LPCAT1: variants seen among roughly 807,000 people sequenced by gnomAD.
LPCAT1 encodes 1-acylglycerol-3-phosphate O-acyltransferase.
LPCAT1 carries 23 observed loss-of-function variants against 60.9 expected under a neutral mutation model. The observed-to-expected ratio is 0.38, with a 90% CI of 0.27 to 0.53. The LOEUF (loss-of-function observed/expected upper bound fraction) is 0.53, where lower values mean the gene tolerates loss of function less well. LPCAT1 is among the 20% of genes least tolerant of loss of function. The pLI is 0.82. For synonymous variants in LPCAT1, 340 were observed against 301.1 expected, an observed-to-expected ratio of 1.13 and a Z score of -1.34; for missense variants, 622 against 723.6, an observed-to-expected ratio of 0.86 and a Z score of 1.61.
chr5:1,508,459 G>A (rs1736252827), intron 1 of LPCAT1, among the ~76,000 whole-genome samples: 1 of 152,118 alleles, frequency 6.6e-6, no homozygotes, highest in African/African-American at 2.4e-5. Context: ...TATAAGAAGA[G>A]GAGATGAGGA....
intron 1 of LPCAT1, among the ~76,000 whole-genome samples, chr5:1,518,812 C>G (rs1277264498): frequency 2.0e-5 from 3 of 152,228 alleles, no homozygotes; most frequent in Non-Finnish European, 4.4e-5. Context: ...CAGCATCATT[C>G]TGAAATGCGT....
In LPCAT1 at chr5:1,476,480, ACT is replaced by A. The variant is rs919936123; in HGVS notation, c.899+922_899+923del. Reference sequence around the variant, plus strand: ...TGGCTCGGAGGTCAGAGCCAGGCACACTCTGATGGGCCCGGCCGTGGCTGTGT... The same window carrying A: ...TGGCTCGGAGGTCAGAGCCAGGCACACTGATGGGCCCGGCCGTGGCTGTGT... On this transcript the variant is annotated intron_variant, in intron 9 of 13. Transcript: ENST00000283415. This position sits in a 1 kb window ranked among gnomAD's most constrained non-coding sequence, Gnocchi z 8.6. 6.6e-6 allele frequency among the ~76,000 whole-genome samples: 1 copy of A among 151,832 alleles called. No homozygotes were observed. The highest frequency in any genetic ancestry group is 2.4e-5 in the African/African-American group (1 of 41,280).
Position 1,488,566 on chromosome 5 carries a change from C to T in LPCAT1, c.607-115G>A, listed in dbSNP as rs151144588. The T allele has an allele frequency of 7.2e-5, 49 of 685,120 alleles. No individual in the cohort carries two copies. The African/African-American group carries it at 7.5e-4, about 11-fold the overall frequency. 42.4% of individuals were successfully genotyped at this position (685,120 alleles called of 1,614,324 possible). ...CTTTTCTGCTGACATAATTTGGACA[C>T]TGGGATCATATTCAGTACGTAAATT... On this transcript the variant is annotated intron_variant, in intron 4 of 13. Transcript: ENST00000283415.
At chr5:1,466,664 C>T (rs1734418644) in intron 13 of LPCAT1, 85 bp downstream of exon 13, 2 of 1,434,482 alleles carry the variant, frequency 1.4e-6, no homozygotes, top group East Asian at 5.2e-5. Context: ...CCACTCCTGT[C>T]CTGGGCTCCC....
chr5:1,497,138 A>G (rs781402838), intron 2 of LPCAT1, among the ~76,000 whole-genome samples: 14 of 152,242 alleles, frequency 9.2e-5, no homozygotes, highest in Non-Finnish European at 1.3e-4. Flanking sequence ...GCTCGCCAAG[A>G]GAGTCTGGAA....
intron 1 of LPCAT1, among the ~76,000 whole-genome samples, chr5:1,504,170 A>C (rs1394728229): frequency 1.3e-5 from 2 of 152,242 alleles, no homozygotes; most frequent in African/African-American, 4.8e-5. Flanking sequence ...TTTAGAACAC[A>C]GCTCCCCCTA....
chr5:1,497,579 G>T (rs530524305), intron 2 of LPCAT1, among the ~76,000 whole-genome samples: 3 of 152,252 alleles, frequency 2.0e-5, no homozygotes, highest in African/African-American at 7.2e-5. Context: ...GGTGATCCAC[G>T]TGGACTGGCT....
chr5:1,471,720 G>GGCTCCCA (rs1273756601), intron 11 of LPCAT1, among the ~76,000 whole-genome samples: 1 of 151,742 alleles, frequency 6.6e-6, no homozygotes, highest in Non-Finnish European at 1.5e-5. Flanking sequence ...GTAGAGGGAG[G>GGCTCCCA]GCTCCCAGGT....
Position 1,463,493 on chromosome 5 carries a change from G to T in LPCAT1, c.*158C>A. ...CGGTTCTGCAACACACTTCACAAAG[G>T]AACAAGATACAAACAGCCCCCGAGG... On this transcript the variant is annotated 3_prime_UTR_variant, in exon 14 of 14. Transcript: ENST00000283415. 1 of 740,038 alleles carries T rather than the reference G, an allele frequency of 1.4e-6. No homozygotes were observed. The highest frequency in any genetic ancestry group is 2.2e-6 in the Non-Finnish European group (1 of 462,620). The allele number at this position is 740,038 out of a possible 1,614,324, so 45.8% of individuals were successfully genotyped here. A position where few individuals can be genotyped will look rare whatever the true frequency, so the allele number is the denominator to read the frequency against.
chr5:1,472,868 G>A (rs1304428825), intron 11 of LPCAT1, among the ~76,000 whole-genome samples: 2 of 152,106 alleles, frequency 1.3e-5, no homozygotes, highest in African/African-American at 2.4e-5. Context: ...CAGAGGGCCC[G>A]TGGCTGGGGG....
Position 1,481,523 on chromosome 5 carries a change from G to A in LPCAT1, c.727-547C>T, listed in dbSNP as rs573585814. Among the ~76,000 whole-genome samples the A allele has an allele frequency of 2.6e-5, 4 of 152,394 alleles. No individual in the cohort carries two copies. The highest frequency in any genetic ancestry group is 9.6e-5 in the African/African-American group (4 of 41,592). ...CCGCCGGGCAGGGACCACACAGCAG[G>A]GGCCGTGACGGCAGAGGCCCAGACA... On this transcript the variant is annotated intron_variant, in intron 6 of 13. Coordinates refer to ENST00000283415, the MANE Select transcript of LPCAT1 (RefSeq NM_024830.5). The surrounding 1 kb of genome is among the most constrained non-coding windows in gnomAD (Gnocchi z 7.8).
In LPCAT1 at chr5:1,521,270, C is replaced by T. The variant is rs971036578; in HGVS notation, c.135+2440G>A. 1.1e-5 allele frequency: 10 copies of T among 936,154 alleles called. No individual in the cohort carries two copies. Among genetic ancestry groups the T allele is most frequent in the Non-Finnish European group, 1.3e-5 (10 of 785,180 alleles). The allele number at this position is 936,154 out of a possible 1,614,324, so 58.0% of individuals were successfully genotyped here. ...GGGCTGGCTGGAGGAGGAGGTGTCC[C>T]CGCATGGCGCTAATCCGAAGACACA... On this transcript the variant is annotated intron_variant, in intron 1 of 13. Transcript: ENST00000283415. This position sits in a 1 kb window ranked among gnomAD's most constrained non-coding sequence, Gnocchi z 4.3.
At chr5:1,465,316 A>G (rs1734324744) in intron 13 of LPCAT1, among the ~76,000 whole-genome samples, 1 of 145,628 alleles carries the variant, frequency 6.9e-6, no homozygotes, top group Non-Finnish European at 1.5e-5. Flanking sequence ...GCGCACACAC[A>G]AAACAAGCGC....
Position 1,494,918 on chromosome 5 carries a change from CAA to C in LPCAT1, c.279-6_279-5del, listed in dbSNP as rs764498776. ...CTTCAGCAGGAAGTCCACAACCCTG[CAA>C]AAGAGGGCGCTGCGTCACGCGGGCA... On this transcript the variant is annotated splice_polypyrimidine_tract_variant and splice_region_variant and intron_variant, in intron 2 of 13. Transcript: ENST00000283415. The C allele has an allele frequency of 1.9e-6, 3 of 1,596,890 alleles. No homozygotes were observed. Among genetic ancestry groups the C allele is most frequent in the Non-Finnish European group, 2.6e-6 (3 of 1,170,674 alleles).
chr5:1,502,617 G>A lies in LPCAT1; in HGVS notation c.136-1014C>T, dbSNP rs935345235. 7.9e-5 allele frequency among the ~76,000 whole-genome samples: 12 copies of A among 152,200 alleles called. No individual in the cohort carries two copies. Among genetic ancestry groups the A allele is most frequent in the African/African-American group, 2.2e-4 (9 of 41,442 alleles). On this transcript the variant is annotated intron_variant, in intron 1 of 13. Coordinates refer to ENST00000283415, the MANE Select transcript of LPCAT1 (RefSeq NM_024830.5). The surrounding 1 kb of genome is among the most constrained non-coding windows in gnomAD (Gnocchi z 5.5). ...AGGGTCTGAGGATGGAGGTCCCTCCGGGAGGCGGGCAGGACTCCGTGTAGA... is the reference window on the plus strand; with the variant it reads ...AGGGTCTGAGGATGGAGGTCCCTCCAGGAGGCGGGCAGGACTCCGTGTAGA...
Position 1,481,126 on chromosome 5 carries a change from TC to T in LPCAT1, c.727-151del. The T allele has an allele frequency of 2.1e-6, 2 of 962,504 alleles. No homozygotes were observed. Among genetic ancestry groups the T allele is most frequent in the Non-Finnish European group, 3.2e-6 (2 of 621,270 alleles). 59.6% of individuals were successfully genotyped at this position (962,504 alleles called of 1,614,324 possible). A position where few individuals can be genotyped will look rare whatever the true frequency, so the allele number is the denominator to read the frequency against. On this transcript the variant is annotated intron_variant, in intron 6 of 13. Coordinates refer to ENST00000283415, the MANE Select transcript of LPCAT1 (RefSeq NM_024830.5). This position sits in a 1 kb window ranked among gnomAD's most constrained non-coding sequence, Gnocchi z 7.8. ...GGAGGAGGGTGCTAGAGCTCCAGCT[TC>T]CCAGAGTCCCTGAGGATCCAGGACT...
chr5:1,518,289 A>G (rs934438595), intron 1 of LPCAT1, among the ~76,000 whole-genome samples: 2 of 152,210 alleles, frequency 1.3e-5, no homozygotes, highest in African/African-American at 2.4e-5. Flanking sequence ...TATAAGACAG[A>G]GCTGATGTCT....
At chr5:1,505,002 G>A (rs571183031) in intron 1 of LPCAT1, among the ~76,000 whole-genome samples, 59 of 150,746 alleles carry the variant, frequency 3.9e-4, no homozygotes, top group East Asian at 1.7e-3. Flanking sequence ...AAACAGCACC[G>A]ACTGCAACAC....
chr5:1,465,724 T>C (rs1200505374), intron 13 of LPCAT1, among the ~76,000 whole-genome samples: 1 of 151,964 alleles, frequency 6.6e-6, no homozygotes, highest in Non-Finnish European at 1.5e-5. Context: ...CATGCACGCT[T>C]TCAATACTGA....
Sources: allele counts gnomAD v4.1 joint callset (sites outside exome capture counted in the v4.1 genomes callset), GRCh38; gene constraint gnomAD v4.1.1; non-coding constraint Gnocchi (gnomAD v3.1); transcripts MANE v1.5; gene names NCBI Gene and HGNC (gene_info 2026-07-23, HGNC 2026-07-21).